The following STIM2 variants were observed in gnomAD, a reference collection of about 807,000 sequenced individuals.
The protein encoded by STIM2 is stromal interaction molecule 2.
Under a neutral mutation model 85.8 loss-of-function variants are expected in STIM2, and 31 were observed. The ratio of observed to expected loss-of-function variants is 0.36; its 90% CI spans 0.27 to 0.49. The LOEUF (loss-of-function observed/expected upper bound fraction) is 0.49. Ranked by LOEUF, STIM2 falls within the 20% of genes least tolerant of loss-of-function variation. STIM2 has a pLI of 0.98. For synonymous variants in STIM2, 356 were observed against 331.1 expected (o/e 1.08, Z -0.82); for missense variants, 841 against 927.6 (o/e 0.91, Z 1.21).
intron 3 of STIM2, among the ~76,000 whole-genome samples, chr4:26,981,526 C>A (rs1261646015): frequency 6.6e-6 from 1 of 152,148 alleles, no homozygotes; most frequent in Non-Finnish European, 1.5e-5. Context: ...GAGCAAATAA[C>A]TCCCATATAC....
At chr4:26,968,847 G>A (rs778929565) in intron 3 of STIM2, among the ~76,000 whole-genome samples, 2 of 152,116 alleles carry the variant, frequency 1.3e-5, no homozygotes, top group African/African-American at 2.4e-5. Context: ...TTAAGAACTG[G>A]TAGATCTGGG....
At chr4:26,952,319 A>C (rs1482168000) in intron 2 of STIM2, among the ~76,000 whole-genome samples, 1 of 152,124 alleles carries the variant, frequency 6.6e-6, no homozygotes, top group Non-Finnish European at 1.5e-5. Flanking sequence ...TTGTAGATTT[A>C]ATTCTTAGAT....
At chr4:27,016,001 T>C (rs930686876) in intron 10 of STIM2, among the ~76,000 whole-genome samples, 16 of 152,086 alleles carry the variant, frequency 1.1e-4, no homozygotes, top group Non-Finnish European at 2.1e-4. Context: ...TTAACCTTTC[T>C]TTTTATAGTC....
At chr4:26,930,991 G>A (rs976045275) in intron 2 of STIM2, among the ~76,000 whole-genome samples, 1 of 152,002 alleles carries the variant, frequency 6.6e-6, no homozygotes, top group Non-Finnish European at 1.5e-5. Context: ...ATATCAGCTG[G>A]GGTTGTGTCA....
chr4:27,022,424 A>C (rs2109149682), intron 11 of STIM2, 95 bp from the exon 12 acceptor site: 1 of 1,040,744 alleles, frequency 9.6e-7, no homozygotes, highest in Middle Eastern at 2.2e-4. Context: ...TTTAAATTTC[A>C]AAAAGCAATG....
At chr4:26,894,634 G>A (rs1310329916) in intron 1 of STIM2, among the ~76,000 whole-genome samples, 1 of 151,394 alleles carries the variant, frequency 6.6e-6, no homozygotes, top group African/African-American at 2.4e-5. Flanking sequence ...GTCTGTTCTG[G>A]GCTCTTTATT....
chr4:26,995,299 T>C, intron 3 of STIM2, 80 bp from the exon 4 acceptor site: 1 of 735,140 alleles, frequency 1.4e-6, no homozygotes, highest in Non-Finnish European at 2.2e-6. Flanking sequence ...CTAATATCTT[T>C]ATATTCTCTG....
chr4:26,935,316 C>A (rs769912649), intron 2 of STIM2, among the ~76,000 whole-genome samples: 1 of 152,114 alleles, frequency 6.6e-6, no homozygotes, highest in Non-Finnish European at 1.5e-5. Flanking sequence ...TTGGTTACCT[C>A]TTCTTTGTTT....
At chr4:26,954,494 A>G (rs1211493661) in intron 2 of STIM2, among the ~76,000 whole-genome samples, 1 of 148,582 alleles carries the variant, frequency 6.7e-6, no homozygotes, top group Non-Finnish European at 1.5e-5. Context: ...CAATTCATGA[A>G]TTCCAAATAA....
At chr4:26,960,467 C>T (rs1429109165) in intron 3 of STIM2, among the ~76,000 whole-genome samples, 3 of 152,096 alleles carry the variant, frequency 2.0e-5, no homozygotes, top group African/African-American at 4.8e-5. Context: ...GTTGTGTCTC[C>T]CATGCCTAGC....
chr4:26,870,734 A>G (rs750696165), intron 1 of STIM2, among the ~76,000 whole-genome samples: 1 of 152,114 alleles, frequency 6.6e-6, no homozygotes, highest in Non-Finnish European at 1.5e-5. Flanking sequence ...TAAGATATTC[A>G]CCCTAGCTTG....
intron 1 of STIM2, among the ~76,000 whole-genome samples, chr4:26,903,933 TAG>T (rs1025223626): frequency 2.9e-3 from 445 of 152,138 alleles, no homozygotes; most frequent in African/African-American, 0.01. Flanking sequence ...TTTTTAATCT[TAG>T]GGTCTAAAAA....
Position 27,022,922 on chromosome 4 carries a change from G to T in STIM2, c.2167G>T (p.Asp723Tyr). The change falls in exon 12 of 12, where the codon GAC becomes TAC. Residue 723 changes from aspartate to tyrosine, a missense_variant. Transcript: ENST00000467087. ...TGCCAGAATAAGCAGCATCCCACATGACCTTTGTCATAATGGAGAGAAAAG... is the reference window on the plus strand; with the variant it reads ...TGCCAGAATAAGCAGCATCCCACATTACCTTTGTCATAATGGAGAGAAAAG... The T allele has an allele frequency of 6.2e-7, 1 of 1,614,172 alleles. No homozygotes were observed. Among genetic ancestry groups the T allele is most frequent in the South Asian group, 1.1e-5 (1 of 91,082 alleles).
At chr4:26,933,870 T>C (rs1338060054) in intron 2 of STIM2, among the ~76,000 whole-genome samples, 2 of 152,112 alleles carry the variant, frequency 1.3e-5, no homozygotes, top group East Asian at 1.9e-4. Context: ...ATTCAAACTA[T>C]TGTACTAATG....
chr4:26,970,793 T>C (rs1197814283), intron 3 of STIM2, among the ~76,000 whole-genome samples: 1 of 152,162 alleles, frequency 6.6e-6, no homozygotes, highest in Admixed American at 6.5e-5. Flanking sequence ...GTAATTCTAG[T>C]TCTAGATCCT....
chr4:26,934,797 C>T (rs1397655793), intron 2 of STIM2, among the ~76,000 whole-genome samples: 2 of 151,550 alleles, frequency 1.3e-5, no homozygotes, highest in African/African-American at 4.9e-5. Context: ...CCTGCAATCC[C>T]AGCTACTCAG....
intron 2 of STIM2, among the ~76,000 whole-genome samples, chr4:26,929,090 A>G (rs912441139): frequency 5.3e-5 from 8 of 152,194 alleles, no homozygotes; most frequent in African/African-American, 1.7e-4. Context: ...GAAGGCTTAT[A>G]TGAGAAGAAT....
At chr4:27,002,545 T>G in intron 6 of STIM2, 151 bp downstream of exon 6, 1 of 567,268 alleles carries the variant, frequency 1.8e-6, no homozygotes, top group East Asian at 3.1e-5. Flanking sequence ...AAAAGTATAC[T>G]TTTATAATTA....
chr4:27,021,574 C>T (rs542093385), intron 11 of STIM2: 1 of 456,688 alleles, frequency 2.2e-6, no homozygotes, highest in Non-Finnish European at 4.4e-6. Flanking sequence ...GACTTTGGAT[C>T]TTACTCTGAG....
Sources: gnomAD v4.1 joint callset for allele counts (sites outside exome capture counted in the v4.1 genomes callset) on GRCh38, gnomAD v4.1.1 for gene constraint, MANE v1.5 for transcripts, NCBI Gene and HGNC (gene_info 2026-07-23, HGNC 2026-07-21) for gene names.